The following WASHC2C variants were observed in gnomAD, a reference collection of about 807,000 sequenced individuals.
WASHC2C encodes WASH complex subunit 2C.
Under a neutral mutation model 142.2 loss-of-function variants are expected in WASHC2C, and 73 were observed. The ratio of observed to expected loss-of-function variants is 0.51; its 90% CI spans 0.43 to 0.62. WASHC2C has a LOEUF of 0.62. WASHC2C is among the 20% of genes least tolerant of loss of function. The probability of loss-of-function intolerance (pLI) is 0.00; values close to 1 mark genes in which losing one functional copy is unlikely to be tolerated. For missense variants in WASHC2C, 969 were observed against 1,531.7 expected (o/e 0.63, Z 6.13); for synonymous variants, 337 against 565.5 (o/e 0.60, Z 5.73).
In WASHC2C at chr10:45,737,984, G is replaced by A. The variant is rs377342404; in HGVS notation, c.293G>A (p.Arg98His). 121 of 1,611,590 alleles carry A rather than the reference G, an allele frequency of 7.5e-5. No individual in the cohort carries two copies. Among genetic ancestry groups the A allele is most frequent in the Middle Eastern group, 2.2e-4 (1 of 4,452 alleles). ...CATTGAGTTTGCTTCCATATTTAGC[G>A]TGTATATGATGAAGAAGTGGAGGAG... ...MLSNTQFIEN[R>H]VYDEEVEEPV... Residue 98 changes from arginine (R) to histidine (H), a missense_variant and splice_region_variant, in exon 4 of 31, where the codon CGT becomes CAT. Physicochemically the swap from Arg to His is conservative, Grantham distance 29 (BLOSUM62 0). Coordinates refer to ENST00000623400, the MANE Select transcript of WASHC2C (RefSeq NM_001330074.2).
chr10:45,738,128 GA>G (rs1303056124), intron 4 of WASHC2C, 83 bp downstream of exon 4: 1 of 1,595,624 alleles, frequency 6.3e-7, no homozygotes, highest in Non-Finnish European at 8.5e-7. Flanking sequence ...GGAACTGGGG[GA>G]TGGTGGGTGG....
intron 20 of WASHC2C, among the ~76,000 whole-genome samples, chr10:45,770,664 G>A (rs2056490744): frequency 6.6e-6 from 1 of 152,222 alleles, no homozygotes; most frequent in South Asian, 2.1e-4. Context: ...ATCTTGTCAA[G>A]CATCACCATT....
chr10:45,782,568 TATAAC>T (rs1405241593), intron 23 of WASHC2C, among the ~76,000 whole-genome samples: 12 of 150,644 alleles, frequency 8.0e-5, no homozygotes, highest in South Asian at 2.1e-4. Flanking sequence ...TTCAAATTCT[TATAAC>T]ATAAAGCTAC....
chr10:45,762,230 G>A (rs1252771476), intron 17 of WASHC2C, among the ~76,000 whole-genome samples: 1 of 151,860 alleles, frequency 6.6e-6, no homozygotes, highest in Non-Finnish European at 1.5e-5. Context: ...TAGCTATTTT[G>A]AGATGAAATT....
intron 23 of WASHC2C, among the ~76,000 whole-genome samples, chr10:45,781,135 G>C (rs2057471410): frequency 6.6e-6 from 1 of 151,670 alleles, no homozygotes; most frequent in African/African-American, 2.4e-5. Flanking sequence ...ATACCAAGAA[G>C]GGTAAAATAC....
At chr10:45,746,504 A>G (rs2052852316) in intron 7 of WASHC2C, 96 bp from the exon 8 acceptor site, 4 of 1,418,660 alleles carry the variant, frequency 2.8e-6, no homozygotes, top group Non-Finnish European at 2.0e-6. Flanking sequence ...TCCACTTGAC[A>G]TAGAATCAGC....
intron 21 of WASHC2C, among the ~76,000 whole-genome samples, chr10:45,776,929 A>G (rs538902324): frequency 6.7e-6 from 1 of 148,404 alleles, no homozygotes; most frequent in South Asian, 2.2e-4. Context: ...ACAACGCTGG[A>G]TAATGTCTTC....
intron 17 of WASHC2C, 142 bp downstream of exon 17, chr10:45,759,543 G>T: frequency 6.8e-7 from 1 of 1,472,798 alleles, no homozygotes. Context: ...CTAGAGGCAA[G>T]GAGTGGTGGT....
At chr10:45,735,805 G>A (rs1554864358) in intron 3 of WASHC2C, among the ~76,000 whole-genome samples, 2 of 152,300 alleles carry the variant, frequency 1.3e-5, no homozygotes, top group African/African-American at 4.8e-5. Flanking sequence ...GGGTGGACAG[G>A]AGCCATTGCT....
At chr10:45,748,330 C>G (rs2053111320) in intron 8 of WASHC2C, among the ~76,000 whole-genome samples, 1 of 120,312 alleles carries the variant, frequency 8.3e-6, no homozygotes, top group Non-Finnish European at 1.6e-5. Flanking sequence ...CTCTCTGTTA[C>G]CCAGGCTGGA....
rs2056498808 is a variant in WASHC2C at position 45,770,738 on chromosome 10, G to T, written c.2039+1120G>T. Among the ~76,000 whole-genome samples, 3 of 152,164 alleles carry T rather than the reference G, an allele frequency of 2.0e-5. No individual in the cohort carries two copies. The South Asian group carries it at 6.2e-4, about 32-fold the overall frequency. On this transcript the variant is annotated intron_variant, in intron 20 of 30. Transcript: ENST00000623400. ...CTTTGGTCTCTGATTTAGAATATAG[G>T]CTCTGGAAAGTTGATATTAAATTCT... is the stretch of plus-strand genomic sequence containing the variant.
At chr10:45,738,784 A>G (rs1472940978) in intron 4 of WASHC2C, among the ~76,000 whole-genome samples, 3 of 152,216 alleles carry the variant, frequency 2.0e-5, no homozygotes, top group Admixed American at 2.0e-4. Context: ...AGCTCACTGC[A>G]ACCTCTGCCT....
intron 8 of WASHC2C, among the ~76,000 whole-genome samples, chr10:45,749,818 T>C (rs2053315583): frequency 1.5e-5 from 1 of 64,742 alleles, no homozygotes; most frequent in African/African-American, 5.5e-5. Flanking sequence ...AGAGCAAGAC[T>C]CCATCTCAAA....
intron 3 of WASHC2C, among the ~76,000 whole-genome samples, chr10:45,733,748 T>C (rs2050883689): frequency 6.6e-6 from 1 of 152,066 alleles, no homozygotes; most frequent in Non-Finnish European, 1.5e-5. Flanking sequence ...ACTTTTGAGA[T>C]TTACTTAACT....
chr10:45,752,037 G>A (rs1359568177), intron 11 of WASHC2C, among the ~76,000 whole-genome samples: 2 of 152,186 alleles, frequency 1.3e-5, no homozygotes, highest in East Asian at 3.8e-4. Context: ...TGTGGGTGTG[G>A]AGTAAAAATT....
At chr10:45,761,702 CG>C (rs1245846647) in intron 17 of WASHC2C, among the ~76,000 whole-genome samples, 1 of 151,710 alleles carries the variant, frequency 6.6e-6, no homozygotes, top group Admixed American at 6.6e-5. Context: ...TTTGAGGTAA[CG>C]GAAGTGTCTT....
intron 3 of WASHC2C, among the ~76,000 whole-genome samples, chr10:45,731,167 C>T (rs1325815573): frequency 4.8e-5 from 7 of 145,562 alleles, no homozygotes; most frequent in Non-Finnish European, 1.0e-4. Context: ...TTATTTCTGT[C>T]CAATACTGGG....
At chr10:45,745,655 G>A (rs1554870736) in intron 7 of WASHC2C, among the ~76,000 whole-genome samples, 3 of 151,614 alleles carry the variant, frequency 2.0e-5, no homozygotes, top group Non-Finnish European at 4.4e-5. Flanking sequence ...GTGCTCATTA[G>A]GGGAATCCCT....
intron 23 of WASHC2C, among the ~76,000 whole-genome samples, chr10:45,779,550 A>G (rs1275874479): frequency 4.6e-5 from 7 of 152,252 alleles, no homozygotes; most frequent in African/African-American, 1.7e-4. Context: ...ATAAAGGACC[A>G]TATAATGACT....
Sources: allele counts gnomAD v4.1 joint callset (sites outside exome capture counted in the v4.1 genomes callset), GRCh38; gene constraint gnomAD v4.1.1; transcripts MANE v1.5; gene names NCBI Gene and HGNC (gene_info 2026-07-23, HGNC 2026-07-21).